MIER1: variants seen among roughly 807,000 people sequenced by gnomAD.
The protein encoded by MIER1 is MIER1 transcriptional regulator.
A neutral mutation model predicts 75.7 loss-of-function variants in MIER1; 40 were observed. That is an observed-to-expected ratio of 0.53 (90% CI 0.41 to 0.69). The LOEUF is 0.69. MIER1 is among the 30% of genes least tolerant of loss of function. The pLI is 0.00. For synonymous variants in MIER1, 213 were observed against 223.4 expected (o/e 0.95, Z 0.42); for missense variants, 574 against 680.2 (o/e 0.84, Z 1.74).
At chr1:66,952,544 A>C (rs1659210965) in intron 4 of MIER1, among the ~76,000 whole-genome samples, 1 of 152,188 alleles carries the variant, frequency 6.6e-6, no homozygotes, top group African/African-American at 2.4e-5. Flanking sequence ...AATTTCATGT[A>C]AGTCTCATGG....
At chr1:66,928,164 CAATAAT>C (rs994543304) in intron 2 of MIER1, among the ~76,000 whole-genome samples, 6 of 151,594 alleles carry the variant, frequency 4.0e-5, no homozygotes, top group African/African-American at 1.5e-4. Flanking sequence ...TTTTTTCCCT[CAATAAT>C]AATAATACCA....
chr1:66,955,589 A>G (rs934643227), intron 4 of MIER1, among the ~76,000 whole-genome samples: 2 of 152,080 alleles, frequency 1.3e-5, no homozygotes, highest in Admixed American at 6.6e-5. Context: ...GAGCATGGCT[A>G]TGTAATTAGC....
chr1:66,935,702 G>A (rs1362555204), intron 2 of MIER1, among the ~76,000 whole-genome samples: 1 of 152,036 alleles, frequency 6.6e-6, no homozygotes, highest in African/African-American at 2.4e-5. Context: ...GGTAACTATT[G>A]TTAACAGGTT....
chr1:66,981,735 T>A (rs1300795057), intron 12 of MIER1, 44 bp from the exon 13 acceptor site: 1 of 1,490,832 alleles, frequency 6.7e-7, no homozygotes, highest in Non-Finnish European at 9.1e-7. Flanking sequence ...TAATTTTTAA[T>A]TTTCAGCTCT....
chr1:66,969,032 T>TA lies in MIER1; in HGVS notation c.773-1776_773-1775insA, dbSNP rs1187885955. Reference sequence around the variant, plus strand: ...GAGAATAGAAATCAATAGCAGTATATCCAGATTCATTTTATCATGGTAGTT... The same window carrying TA: ...GAGAATAGAAATCAATAGCAGTATATACCAGATTCATTTTATCATGGTAGTT... On this transcript the variant is annotated intron_variant, in intron 8 of 13. Transcript: ENST00000401041. Among the ~76,000 whole-genome samples the TA allele has an allele frequency of 2.6e-5, 4 of 152,314 alleles. No homozygotes were observed. In the East Asian group the frequency reaches 7.7e-4, roughly 29 times the overall value.
At chr1:66,968,192 TTGGA>T in intron 8 of MIER1, among the ~76,000 whole-genome samples, 1 of 152,238 alleles carries the variant, frequency 6.6e-6, no homozygotes, top group South Asian at 2.1e-4. Context: ...TGAGATTGCT[TTGGA>T]GGGATCGCTG....
At chr1:66,938,503 A>G (rs1655445886) in intron 2 of MIER1, among the ~76,000 whole-genome samples, 1 of 152,210 alleles carries the variant, frequency 6.6e-6, no homozygotes, top group Non-Finnish European at 1.5e-5. Context: ...ACACAAGTGG[A>G]TTAATATTTT....
chr1:66,929,706 G>A (rs1010514289), intron 2 of MIER1, among the ~76,000 whole-genome samples: 4 of 152,216 alleles, frequency 2.6e-5, no homozygotes, highest in Non-Finnish European at 5.9e-5. Flanking sequence ...CAAATGACAT[G>A]AGGATGGCGG....
intron 3 of MIER1, among the ~76,000 whole-genome samples, chr1:66,942,515 A>C (rs1656485251): frequency 6.6e-6 from 1 of 152,206 alleles, no homozygotes; most frequent in African/African-American, 2.4e-5. Context: ...CAAAGCAGTC[A>C]CATTTGCCTA....
chr1:66,984,569 T>C lies in MIER1; in HGVS notation c.1370-3T>C. ...GGTTTCATTTATATTTCTTTCAACT[T>C]AGGAGTGTCATCTAATGGACCAGGT... is the stretch of plus-strand genomic sequence containing the variant. On this transcript the variant is annotated splice_polypyrimidine_tract_variant and splice_region_variant and intron_variant, in intron 13 of 13. Coordinates refer to ENST00000401041, the MANE Select transcript of MIER1 (RefSeq NM_001077700.3). The C allele has an allele frequency of 6.4e-7, 1 of 1,573,602 alleles. No individual in the cohort carries two copies. Among genetic ancestry groups the C allele is most frequent in the Non-Finnish European group, 8.6e-7 (1 of 1,162,506 alleles).
intron 4 of MIER1, among the ~76,000 whole-genome samples, chr1:66,953,710 T>C (rs1397131472): frequency 4.0e-5 from 6 of 151,888 alleles, no homozygotes; most frequent in Non-Finnish European, 1.5e-5. Context: ...TTCAAGCAGT[T>C]CTCCTGCCTC....
chr1:66,983,466 C>G, intron 13 of MIER1, among the ~76,000 whole-genome samples: 1 of 151,038 alleles, frequency 6.6e-6, no homozygotes, highest in South Asian at 2.1e-4. Context: ...TTCAGTGATG[C>G]ACCCTATATT....
chr1:66,967,046 C>A (rs1662563606), intron 8 of MIER1, among the ~76,000 whole-genome samples: 1 of 152,038 alleles, frequency 6.6e-6, no homozygotes, highest in Non-Finnish European at 1.5e-5. Context: ...GCTTTGGTTG[C>A]CTGTGCTTGT....
intron 11 of MIER1, among the ~76,000 whole-genome samples, chr1:66,976,080 A>C (rs1570497824): frequency 2.7e-5 from 4 of 147,208 alleles, no homozygotes; most frequent in African/African-American, 7.7e-5. Flanking sequence ...CTCTGCCCCC[A>C]CCCCCACCCC....
At chr1:66,959,772 T>C in intron 7 of MIER1, 29 bp downstream of exon 7, 1 of 1,134,976 alleles carries the variant, frequency 8.8e-7, no homozygotes, top group East Asian at 2.8e-5. Flanking sequence ...TCCCAAAATT[T>C]AGATAAATTA....
chr1:66,969,857 AT>A (rs2101861055), intron 8 of MIER1, among the ~76,000 whole-genome samples: 1 of 152,312 alleles, frequency 6.6e-6, no homozygotes, highest in Admixed American at 6.5e-5. Flanking sequence ...CTTCAGTCTT[AT>A]CCAATGTGGC....
rs77030136 is a variant in MIER1 at position 66,946,584 on chromosome 1, A to G, written c.339+289A>G. 1.9e-4 allele frequency: 202 copies of G among 1,062,576 alleles called. No individual in the cohort carries two copies. The East Asian group carries it at 0.012, about 64-fold the overall frequency. The allele number at this position is 1,062,576 out of a possible 1,614,324, so 65.8% of individuals were successfully genotyped here. On this transcript the variant is annotated intron_variant, in intron 4 of 13. Coordinates refer to ENST00000401041, the MANE Select transcript of MIER1 (RefSeq NM_001077700.3). ...CAAAAATGGACTATAAAAGGATTCT[A>G]CACGGCCTCATATATCCTTTGTCCT...
At position 66,986,595 on chromosome 1, in the gene MIER1, C is replaced by A; in HGVS notation, c.*1695C>A. ...GTATTACTGTTAACATATGTTCGGA[C>A]TGCTTCCCTTCACCAATGTGAACAA... On this transcript the variant is annotated 3_prime_UTR_variant, in exon 14 of 14. Transcript: ENST00000401041. 1.3e-6 allele frequency: 1 copy of A among 792,566 alleles called. No homozygotes were observed. 49.1% of individuals were successfully genotyped at this position (792,566 alleles called of 1,614,324 possible). A position where few individuals can be genotyped will look rare whatever the true frequency, so the allele number is the denominator to read the frequency against.
intron 2 of MIER1, chr1:66,930,304 G>T: frequency 1.9e-6 from 3 of 1,572,312 alleles, no homozygotes; most frequent in Non-Finnish European, 2.6e-6. Flanking sequence ...GGCAGCGGCC[G>T]GAGTCCCGTT....
Sources: gnomAD v4.1 joint callset for allele counts (sites outside exome capture counted in the v4.1 genomes callset) on GRCh38, gnomAD v4.1.1 for gene constraint, MANE v1.5 for transcripts, NCBI Gene and HGNC (gene_info 2026-07-23, HGNC 2026-07-21) for gene names.